Variants in RAB6B observed in about 807,000 individuals in gnomAD.
The protein encoded by RAB6B is RAB6B, member RAS oncogene family, also known as ras-related protein Rab-6B.
In RAB6B, 7 loss-of-function variants were observed where a neutral mutation model predicts 31.2. That is an observed-to-expected ratio of 0.22 (90% CI 0.13 to 0.42). The LOEUF is 0.42. Among genes scored for constraint, RAB6B ranks in the 10% least tolerant of loss-of-function variants. The probability of loss-of-function intolerance (pLI) is 1.00; values close to 1 mark genes in which losing one functional copy is unlikely to be tolerated. For missense variants in RAB6B, 149 were observed against 280.6 expected, an observed-to-expected ratio of 0.53 and a Z score of 3.35; for synonymous variants, 105 against 104.9, an observed-to-expected ratio of 1.00 and a Z score of -0.01.
chr3:133,895,148 G>T (rs926473069), intron 1 of RAB6B, among the ~76,000 whole-genome samples: 3 of 152,112 alleles, frequency 2.0e-5, no homozygotes, highest in African/African-American at 7.2e-5. Flanking sequence ...CGCCGCACCT[G>T]CACCCACACC....
intron 1 of RAB6B, among the ~76,000 whole-genome samples, chr3:133,880,283 G>C (rs1936448275): frequency 6.6e-6 from 1 of 152,210 alleles, no homozygotes; most frequent in African/African-American, 2.4e-5. Context: ...TAGTGTTGAT[G>C]TTAAAAGACT....
At chr3:133,858,452 G>C (rs1243245151) in intron 2 of RAB6B, among the ~76,000 whole-genome samples, 1 of 152,166 alleles carries the variant, frequency 6.6e-6, no homozygotes, top group Non-Finnish European at 1.5e-5. Flanking sequence ...CACAGCTCTG[G>C]AGGCTGGAGT....
rs1442449086 is a variant in RAB6B, at chr3:133,824,558, CAG to C, written c.*4228_*4229del. 5 of 152,194 alleles carry C rather than the reference CAG, an allele frequency of 3.3e-5. No individual in the cohort carries two copies. Among genetic ancestry groups the C allele is most frequent in the Admixed American group, 3.3e-4 (5 of 15,288 alleles). 9.4% of individuals were successfully genotyped at this position (152,194 alleles called of 1,614,324 possible). A position where few individuals can be genotyped will look rare whatever the true frequency, so the allele number is the denominator to read the frequency against. On this transcript the variant is annotated 3_prime_UTR_variant, in exon 8 of 8. Transcript: ENST00000285208. ...CACACTGCTGGGAGTGCCAACCAGA[CAG>C]GGGTCTGGAGTCCAAGGAGTTTGCA...
At chr3:133,875,130 C>T (rs183059109) in intron 1 of RAB6B, among the ~76,000 whole-genome samples, 1 of 152,314 alleles carries the variant, frequency 6.6e-6, no homozygotes, top group East Asian at 1.9e-4. Context: ...TTTTGAGCTC[C>T]ATTATAATCT....
chr3:133,874,813 T>A (rs370208698), intron 1 of RAB6B, among the ~76,000 whole-genome samples: 1 of 148,722 alleles, frequency 6.7e-6, no homozygotes, highest in Non-Finnish European at 1.5e-5. Flanking sequence ...TTTTTTTTTT[T>A]ACCTTTTAAA....
At chr3:133,833,841 G>A (rs1364172372) in intron 7 of RAB6B, among the ~76,000 whole-genome samples, 1 of 152,196 alleles carries the variant, frequency 6.6e-6, no homozygotes, top group Non-Finnish European at 1.5e-5. Context: ...GGAGGCCCAG[G>A]TGTGGGCAAT....
chr3:133,860,211 A>G lies in RAB6B; in HGVS notation c.129+4373T>C, dbSNP rs529430455. ...ACTTCAGAATATGAGCTTATTTGAA[A>G]ATTGCAGTTTTGGACATACGATTAA... On this transcript the variant is annotated intron_variant, in intron 2 of 7. Transcript: ENST00000285208. 3.9e-5 allele frequency among the ~76,000 whole-genome samples: 6 copies of G among 152,352 alleles called. No individual in the cohort carries two copies. The East Asian group carries it at 1.2e-3, about 29-fold the overall frequency.
intron 1 of RAB6B, among the ~76,000 whole-genome samples, chr3:133,877,492 T>C (rs1356217576): frequency 6.6e-6 from 1 of 152,062 alleles, no homozygotes; most frequent in Non-Finnish European, 1.5e-5. Flanking sequence ...GGGTAATAAT[T>C]AGCCATACAC....
At chr3:133,836,386 G>A (rs1935735017) in intron 6 of RAB6B, among the ~76,000 whole-genome samples, 1 of 152,230 alleles carries the variant, frequency 6.6e-6, no homozygotes, top group African/African-American at 2.4e-5. Flanking sequence ...TAGGGATTTT[G>A]AAGGGTGCTC....
At chr3:133,888,618 T>C (rs1182549714) in intron 1 of RAB6B, among the ~76,000 whole-genome samples, 3 of 152,212 alleles carry the variant, frequency 2.0e-5, no homozygotes, top group Non-Finnish European at 4.4e-5. Context: ...AATAAGTTTT[T>C]CTACAAAAAA....
In RAB6B at chr3:133,828,778, C is replaced by G; in HGVS notation, c.*10G>C. 1 of 1,603,530 alleles carries G rather than the reference C, an allele frequency of 6.2e-7. No homozygotes were observed. Among genetic ancestry groups the G allele is most frequent in the Middle Eastern group, 1.7e-4 (1 of 6,044 alleles). Reference sequence around the variant, plus strand: ...AGGAGTGTCATGGGAAGCCACAGGTCGGCTCTGCATTAGCAGGAGCAGCCG... The same window carrying G: ...AGGAGTGTCATGGGAAGCCACAGGTGGGCTCTGCATTAGCAGGAGCAGCCG... On this transcript the variant is annotated 3_prime_UTR_variant, in exon 8 of 8. Coordinates refer to ENST00000285208, the MANE Select transcript of RAB6B (RefSeq NM_016577.4).
intron 2 of RAB6B, among the ~76,000 whole-genome samples, chr3:133,843,684 G>T (rs1284921529): frequency 6.6e-6 from 1 of 152,182 alleles, no homozygotes; most frequent in South Asian, 2.1e-4. Context: ...CCCAAATAAA[G>T]AACATATTTC....
chr3:133,837,311 C>T (rs1231488599), intron 6 of RAB6B, among the ~76,000 whole-genome samples: 1 of 152,128 alleles, frequency 6.6e-6, no homozygotes, highest in Non-Finnish European at 1.5e-5. Context: ...AAAACTTCAT[C>T]GACATTTGTG....
chr3:133,864,608 G>A lies in RAB6B; in HGVS notation c.105C>T (p.Tyr35=), dbSNP rs772849485. ...GKTSLITRFM[Y]DSFDNTYQAT... Reference sequence around the variant, plus strand: ...CCTGGTATGTGTTGTCGAAGCTGTCGTACATGAACCTCGTAATCAGAGACG... The same window carrying A: ...CCTGGTATGTGTTGTCGAAGCTGTCATACATGAACCTCGTAATCAGAGACG... The change falls in exon 2 of 8, where the codon TAC becomes TAT. Residue 35 remains tyrosine, a synonymous_variant. Coordinates refer to ENST00000285208, the MANE Select transcript of RAB6B (RefSeq NM_016577.4). 11 of 1,614,054 alleles carry A rather than the reference G, an allele frequency of 6.8e-6. No homozygotes were observed. Among genetic ancestry groups the A allele is most frequent in the Admixed American group, 1.7e-5 (1 of 60,006 alleles).
At position 133,828,221 on chromosome 3, in the gene RAB6B, A is replaced by AC; in HGVS notation, c.*566_*567insG. On this transcript the variant is annotated 3_prime_UTR_variant, in exon 8 of 8. Transcript: ENST00000285208. ...AGACAAGAGTCAGAGCTACCTTTTCAGAGGCTGATGTGTTCAACCAATGTT... is the reference window on the plus strand; with the variant it reads ...AGACAAGAGTCAGAGCTACCTTTTCACGAGGCTGATGTGTTCAACCAATGTT... The AC allele has an allele frequency of 1.8e-6, 1 of 550,400 alleles. No individual in the cohort carries two copies. The highest frequency in any genetic ancestry group is 2.2e-5 in the South Asian group (1 of 45,142). 34.1% of individuals were successfully genotyped at this position (550,400 alleles called of 1,614,324 possible).
intron 1 of RAB6B, chr3:133,894,827 CAG>C (rs1559917106): frequency 1.3e-5 from 2 of 153,136 alleles, no homozygotes; most frequent in East Asian, 3.8e-4. Flanking sequence ...CTCTTTCGAG[CAG>C]AGACAGGTGT....
rs1935547343 is a variant in RAB6B at position 133,825,559 on chromosome 3, C to T, written c.*3229G>A. On this transcript the variant is annotated 3_prime_UTR_variant, in exon 8 of 8. Coordinates refer to ENST00000285208, the MANE Select transcript of RAB6B (RefSeq NM_016577.4). Reference sequence around the variant, plus strand: ...CTAGCCTTGGATCACACAACTGCAGCCATGGTGCTCATGATTCTGATGTCA... The same window carrying T: ...CTAGCCTTGGATCACACAACTGCAGTCATGGTGCTCATGATTCTGATGTCA... The T allele has an allele frequency of 6.6e-6, 1 of 152,228 alleles. No homozygotes were observed. Among genetic ancestry groups the T allele is most frequent in the African/African-American group, 2.4e-5 (1 of 41,446 alleles). 9.4% of individuals were successfully genotyped at this position (152,228 alleles called of 1,614,324 possible). A position where few individuals can be genotyped will look rare whatever the true frequency, so the allele number is the denominator to read the frequency against.
chr3:133,830,477 C>T (rs1188633224), intron 7 of RAB6B, among the ~76,000 whole-genome samples: 3 of 152,342 alleles, frequency 2.0e-5, no homozygotes, highest in South Asian at 2.1e-4. Flanking sequence ...GCTTTAAACA[C>T]GTCCTATGCT....
At chr3:133,879,579 T>C (rs1007322531) in intron 1 of RAB6B, among the ~76,000 whole-genome samples, 1 of 152,232 alleles carries the variant, frequency 6.6e-6, no homozygotes, top group Non-Finnish European at 1.5e-5. Context: ...TCAGCAGGCA[T>C]CACAGGCCCT....
Sources: gnomAD v4.1 joint callset for allele counts (sites outside exome capture counted in the v4.1 genomes callset) on GRCh38, gnomAD v4.1.1 for gene constraint, MANE v1.5 for transcripts, NCBI Gene and HGNC (gene_info 2026-07-23, HGNC 2026-07-21) for gene names.